Variants in CCDC175 observed in about 807,000 individuals in gnomAD.
CCDC175 encodes the protein coiled-coil domain containing 175, also known as coiled-coil domain-containing protein 175.
CCDC175 carries 100 observed loss-of-function variants against 114.6 expected under a neutral mutation model. That is an observed-to-expected ratio of 0.87 (90% confidence interval 0.74 to 1.03). The LOEUF (loss-of-function observed/expected upper bound fraction) is 1.03, where lower values mean the gene tolerates loss of function less well. CCDC175 is among the 50% of genes least tolerant of loss of function. The pLI, the probability that CCDC175 is intolerant of heterozygous loss-of-function variation, is 0.00. For synonymous variants in CCDC175, 306 were observed against 308.7 expected (o/e 0.99, Z 0.09); for missense variants, 880 against 917.8 (o/e 0.96, Z 0.53).
intron 7 of CCDC175, among the ~76,000 whole-genome samples, chr14:59,558,880 C>T (rs937239677): frequency 6.6e-6 from 1 of 151,540 alleles, no homozygotes; most frequent in African/African-American, 2.4e-5. Context: ...AATTTAGAGT[C>T]GTAAAAAAGA....
chr14:59,560,691 T>C (rs1234118074), intron 7 of CCDC175, among the ~76,000 whole-genome samples: 1 of 152,120 alleles, frequency 6.6e-6, no homozygotes, highest in Non-Finnish European at 1.5e-5. Context: ...CGTGTAGCAG[T>C]TTTTGCCCTG....
chr14:59,526,609 A>G (rs1190705069), intron 15 of CCDC175, among the ~76,000 whole-genome samples: 1 of 152,042 alleles, frequency 6.6e-6, no homozygotes, highest in Non-Finnish European at 1.5e-5. Flanking sequence ...GAATGTTTCC[A>G]TTTTTAATTA....
chr14:59,522,933 G>A (rs1280313174), intron 16 of CCDC175, among the ~76,000 whole-genome samples: 2 of 152,156 alleles, frequency 1.3e-5, no homozygotes, highest in Non-Finnish European at 2.9e-5. Flanking sequence ...TATTTACTGT[G>A]TCTTGCCCAG....
rs763518759 is a variant in CCDC175 at position 59,533,674 on chromosome 14, CAT to C, written c.1624-1766_1624-1765del. Among the ~76,000 whole-genome samples the C allele has an allele frequency of 7.0e-3, 1,072 of 152,230 alleles. 2 individuals are homozygous for C. The highest frequency in any genetic ancestry group is 9.9e-3 in the Non-Finnish European group (671 of 68,022). ...AGGAGTACATTTCTCCAGACTGCAA[CAT>C]TTAAGCAGGTTGAGTTAAGAAACTC... On this transcript the variant is annotated intron_variant, in intron 13 of 19. Transcript: ENST00000537690.
rs1195606216 is a variant in CCDC175, at chr14:59,565,150, CTCTT to C, written c.613_616del (p.Lys205GlufsTer4). On this transcript the variant is annotated frameshift_variant, in exon 5 of 20. Transcript: ENST00000537690. LOFTEE classifies it high-confidence loss of function. ...TTTTTTTTGCAATGCTATGTCTTCT[CTCTT>C]CAAGTTTATTTTGGTATAAGTCTCA... is the stretch of plus-strand genomic sequence containing the variant. 9 of 1,537,716 alleles carry C rather than the reference CTCTT, an allele frequency of 5.9e-6. No homozygotes were observed. The highest frequency in any genetic ancestry group is 5.5e-5 in the African/African-American group (4 of 73,020).
At chr14:59,515,169 C>T (rs1321068038) in intron 17 of CCDC175, among the ~76,000 whole-genome samples, 6 of 152,096 alleles carry the variant, frequency 3.9e-5, no homozygotes, top group Non-Finnish European at 7.4e-5. Flanking sequence ...GAAGGAAGCA[C>T]TAAACATGGA....
chr14:59,541,927 G>A (rs1450499901), intron 10 of CCDC175, among the ~76,000 whole-genome samples: 1 of 152,118 alleles, frequency 6.6e-6, no homozygotes, highest in Non-Finnish European at 1.5e-5. Flanking sequence ...TTATGAAGCT[G>A]ACATAATTGG....
chr14:59,569,807 C>G (rs1286874816), intron 3 of CCDC175, among the ~76,000 whole-genome samples: 3 of 152,028 alleles, frequency 2.0e-5, no homozygotes, highest in Non-Finnish European at 4.4e-5. Context: ...ATAGAATAAA[C>G]AGAGGATTAG....
rs139147846 is a variant in CCDC175, at chr14:59,574,340, T to C, written c.243+603A>G. Among the ~76,000 whole-genome samples, 3 of 152,314 alleles carry C rather than the reference T, an allele frequency of 2.0e-5. No homozygotes were observed. The East Asian group carries it at 5.8e-4, about 29-fold the overall frequency. ...CTCTGACTGTGCCAAGGAAGCATTGTCAATGTGATCCTTGGCCGAACAGAG... is the reference window on the plus strand; with the variant it reads ...CTCTGACTGTGCCAAGGAAGCATTGCCAATGTGATCCTTGGCCGAACAGAG... On this transcript the variant is annotated intron_variant, in intron 2 of 19. Transcript: ENST00000537690.
At chr14:59,526,719 AC>A (rs1893762400) in intron 15 of CCDC175, among the ~76,000 whole-genome samples, 1 of 152,112 alleles carries the variant, frequency 6.6e-6, no homozygotes, top group African/African-American at 2.4e-5. Context: ...CCACTCCCCC[AC>A]TGCAACCTTT....
chr14:59,568,421 A>C, intron 3 of CCDC175, 41 bp from the exon 4 acceptor site: 2 of 1,446,198 alleles, frequency 1.4e-6, no homozygotes, highest in Non-Finnish European at 1.8e-6. Context: ...ATTTGAGGAA[A>C]AGCACAACTG....
intron 3 of CCDC175, among the ~76,000 whole-genome samples, chr14:59,570,654 T>C (rs958066875): frequency 6.6e-6 from 1 of 152,160 alleles, no homozygotes; most frequent in Non-Finnish European, 1.5e-5. Flanking sequence ...GAGCCAGACC[T>C]TTATACCCTC....
In CCDC175 at chr14:59,521,651, A is replaced by G. The variant is rs1219018597; in HGVS notation, c.2021T>C (p.Ile674Thr). The change falls in exon 17 of 20, where the codon ATA (isoleucine) becomes ACA (threonine). Residue 674 changes from isoleucine (I) to threonine (T), a missense_variant. By Grantham distance (89) the Ile-to-Thr change is moderately conservative. Transcript: ENST00000537690. ...TTCTTGTCCTTCTCTGTATTTCTCT[A>G]TGTTATTCTTCAAGTATAAAATATA... ...KEYILYLKNN[I>T]EKYREGQEAL... 2.6e-6 allele frequency: 4 copies of G among 1,530,224 alleles called. No individual in the cohort carries two copies. The South Asian group carries it at 3.6e-5, about 14-fold the overall frequency. 94.8% of individuals were successfully genotyped at this position (1,530,224 alleles called of 1,614,324 possible).
intron 9 of CCDC175, 29 bp from the exon 10 acceptor site, chr14:59,543,483 A>G (rs768539144): frequency 1.0e-5 from 9 of 894,888 alleles, no homozygotes; most frequent in Non-Finnish European, 1.3e-5. Flanking sequence ...TTATTTGTTG[A>G]AGGCTGACAT....
chr14:59,510,405 T>TA (rs954983299), intron 19 of CCDC175: 14 of 368,462 alleles, frequency 3.8e-5, no homozygotes, highest in Non-Finnish European at 5.4e-5. Context: ...ATAAACTTTT[T>TA]AAAAAAATTA....
intron 11 of CCDC175, among the ~76,000 whole-genome samples, chr14:59,539,772 G>C (rs1435267788): frequency 2.0e-5 from 3 of 151,918 alleles, no homozygotes; most frequent in Non-Finnish European, 4.4e-5. Context: ...AAATTAGCCG[G>C]GCATGATAGT....
intron 6 of CCDC175, among the ~76,000 whole-genome samples, chr14:59,562,822 CCTATAGG>C: frequency 6.6e-6 from 1 of 152,218 alleles, no homozygotes; most frequent in South Asian, 2.1e-4. Flanking sequence ...TTTCTATTTT[CCTATAGG>C]CTTAGTGCTT....
At chr14:59,550,427 T>C (rs1380748571) in intron 8 of CCDC175, among the ~76,000 whole-genome samples, 3 of 152,148 alleles carry the variant, frequency 2.0e-5, no homozygotes, top group African/African-American at 2.4e-5. Context: ...TTAACCTAAG[T>C]TTGAAAAATG....
chr14:59,507,865 G>C (rs995781155), intron 19 of CCDC175, among the ~76,000 whole-genome samples: 18 of 152,180 alleles, frequency 1.2e-4, no homozygotes, highest in African/African-American at 4.3e-4. Context: ...GTAGGGAGCT[G>C]AAGGCCTGTG....
Sources: allele counts gnomAD v4.1 joint callset (sites outside exome capture counted in the v4.1 genomes callset), GRCh38; gene constraint gnomAD v4.1.1; transcripts MANE v1.5; gene names NCBI Gene and HGNC (gene_info 2026-07-23, HGNC 2026-07-21).